The following EIF4ENIF1 variants were observed in gnomAD, a reference collection of about 807,000 sequenced individuals.
The protein encoded by EIF4ENIF1 is eukaryotic translation initiation factor 4E nuclear import factor 1.
EIF4ENIF1 carries 23 observed loss-of-function variants against 110.5 expected under a neutral mutation model. The observed-to-expected ratio is 0.21, with a 90% CI of 0.15 to 0.29. The LOEUF is 0.29. EIF4ENIF1 is among the 10% of genes least tolerant of loss of function. The probability of loss-of-function intolerance (pLI) is 1.00; values close to 1 mark genes in which losing one functional copy is unlikely to be tolerated. For synonymous variants in EIF4ENIF1, 440 were observed against 437.0 expected (o/e 1.01, Z -0.09); for missense variants, 1,031 against 1,221.1 (o/e 0.84, Z 2.32).
chr22:31,471,053 A>G (rs9621270), intron 3 of EIF4ENIF1, among the ~76,000 whole-genome samples: 6,068 of 151,774 alleles, frequency 0.04, 293 homozygotes, highest in African/African-American at 0.096. Context: ...TAAGGTGGCC[A>G]TAAGTAGTAC....
At chr22:31,475,837 G>A (rs1056270440) in intron 2 of EIF4ENIF1, among the ~76,000 whole-genome samples, 5 of 151,728 alleles carry the variant, frequency 3.3e-5, no homozygotes, top group African/African-American at 1.2e-4. Context: ...TCCATCCTGG[G>A]TGACAGAGAC....
At chr22:31,463,285 G>T in intron 5 of EIF4ENIF1, 152 bp from the exon 6 acceptor site, 1 of 712,862 alleles carries the variant, frequency 1.4e-6, no homozygotes, top group Non-Finnish European at 2.3e-6. Context: ...CTCCCTGACT[G>T]GTTTAAGAGC....
At chr22:31,463,575 G>T in intron 5 of EIF4ENIF1, 106 bp downstream of exon 5, 1 of 1,146,682 alleles carries the variant, frequency 8.7e-7, no homozygotes, top group Non-Finnish European at 1.2e-6. Flanking sequence ...CCAGATACTG[G>T]GCTGAGGCAG....
intron 10 of EIF4ENIF1, 32 bp from the exon 11 acceptor site, chr22:31,450,392 TTTC>T: frequency 2.5e-6 from 4 of 1,571,388 alleles, no homozygotes; most frequent in African/African-American, 1.3e-5. Flanking sequence ...TGGTTTTAAC[TTTC>T]TTAACTCACT....
chr22:31,458,904 T>C (rs1301639288), intron 6 of EIF4ENIF1, among the ~76,000 whole-genome samples: 1 of 151,302 alleles, frequency 6.6e-6, no homozygotes, highest in African/African-American at 2.4e-5. Flanking sequence ...GAACTTCATA[T>C]TTTCTATAGT....
rs1486823271 is a variant in EIF4ENIF1, at chr22:31,489,818, C to T, written c.-152G>A. ...GCGCCCCCACCCCGACCGGCTTGGG[C>T]TGTCTCTCTTCAGCCGCCGTAACTG... On this transcript the variant is annotated 5_prime_UTR_variant, in exon 1 of 19. Transcript: ENST00000330125. 2 of 152,040 alleles carry T rather than the reference C, an allele frequency of 1.3e-5. No individual in the cohort carries two copies. Among genetic ancestry groups the T allele is most frequent in the East Asian group, 3.9e-4 (2 of 5,118 alleles). The allele number at this position is 152,040 out of a possible 1,614,324, so 9.4% of individuals were successfully genotyped here.
At position 31,454,178 on chromosome 22, in the gene EIF4ENIF1, G is replaced by C; in HGVS notation, c.1478C>G (p.Ala493Gly). The change falls in exon 10 of 19, where the codon GCA (alanine) becomes GGA (glycine). Residue 493 changes from alanine to glycine, a missense_variant. Coordinates refer to ENST00000330125, the MANE Select transcript of EIF4ENIF1 (RefSeq NM_019843.4). ...AFNKLVSTMK[A>G]SGTLPSQPKV... is the part of the protein sequence containing the mutation. ...GGGCTGAGAAGGCAAAGTCCCACTT[G>C]CCTTCATTGTGCTCACTAGCTTGTT... The C allele has an allele frequency of 1.9e-6, 3 of 1,614,170 alleles. No homozygotes were observed. The highest frequency in any genetic ancestry group is 2.5e-6 in the Non-Finnish European group (3 of 1,180,010).
At chr22:31,461,603 T>G (rs1260396084) in intron 6 of EIF4ENIF1, 1 of 152,204 alleles carries the variant, frequency 6.6e-6, no homozygotes, top group African/African-American at 2.4e-5. Flanking sequence ...CAGCTAATTT[T>G]TGTATTTTCA....
downstream of EIF4ENIF1, chr22:31,437,097 C>G (rs1423341954): frequency 6.6e-6 from 1 of 152,232 alleles, no homozygotes; most frequent in Non-Finnish European, 1.5e-5. Flanking sequence ...CCTAGCTGCA[C>G]TCTCTGTTCA....
chr22:31,439,711 G>A lies in EIF4ENIF1; in HGVS notation c.*169C>T, dbSNP rs1200504169. On this transcript the variant is annotated 3_prime_UTR_variant, in exon 19 of 19. Coordinates refer to ENST00000330125, the MANE Select transcript of EIF4ENIF1 (RefSeq NM_019843.4). ...AGACAATGTACACTCCACTCGACTG[G>A]TTAAGATCCTTCCATCATAATGCGG... The A allele has an allele frequency of 1.1e-6, 1 of 911,502 alleles. No homozygotes were observed. Among genetic ancestry groups the A allele is most frequent in the South Asian group, 1.8e-5 (1 of 56,514 alleles). The allele number at this position is 911,502 out of a possible 1,614,324, so 56.5% of individuals were successfully genotyped here. A position where few individuals can be genotyped will look rare whatever the true frequency, so the allele number is the denominator to read the frequency against.
At position 31,469,771 on chromosome 22, in the gene EIF4ENIF1, C is replaced by T. The variant is rs1163149258; in HGVS notation, c.171-1469G>A. On this transcript the variant is annotated intron_variant, in intron 3 of 18. Transcript: ENST00000330125. ...GCAGTGGCATGATTATACCTCACTG[C>T]AGCCTGAAACTTCTGGACTCAGGTG... is the stretch of plus-strand genomic sequence containing the variant. Among the ~76,000 whole-genome samples the T allele has an allele frequency of 2.6e-5, 4 of 152,322 alleles. No individual in the cohort carries two copies. In the South Asian group the frequency reaches 6.2e-4, roughly 24 times the overall value.
chr22:31,478,778 C>G (rs6518747), intron 2 of EIF4ENIF1, among the ~76,000 whole-genome samples: 1 of 151,082 alleles, frequency 6.6e-6, no homozygotes, highest in Non-Finnish European at 1.5e-5. Context: ...GGTGAAACCC[C>G]GTCTCTATCA....
chr22:31,479,446 C>T (rs2051726691), intron 2 of EIF4ENIF1: 1 of 151,888 alleles, frequency 6.6e-6, no homozygotes, highest in South Asian at 2.1e-4. Flanking sequence ...CTAATCTTCT[C>T]TGTATTGTTG....
rs1372974577 is a variant in EIF4ENIF1 at position 31,439,811 on chromosome 22, C to G, written c.*69G>C. Reference sequence around the variant, plus strand: ...CAAAGTAAAAGCCCATAAACCAACCCGAGATGAAGCAGGGTCCTGCCCAGT... The same window carrying G: ...CAAAGTAAAAGCCCATAAACCAACCGGAGATGAAGCAGGGTCCTGCCCAGT... On this transcript the variant is annotated 3_prime_UTR_variant, in exon 19 of 19. Coordinates refer to ENST00000330125, the MANE Select transcript of EIF4ENIF1 (RefSeq NM_019843.4). 1 of 1,575,740 alleles carries G rather than the reference C, an allele frequency of 6.3e-7. No homozygotes were observed. Among genetic ancestry groups the G allele is most frequent in the Non-Finnish European group, 8.6e-7 (1 of 1,168,938 alleles).
intron 16 of EIF4ENIF1, 62 bp from the exon 17 acceptor site, chr22:31,442,180 C>T: frequency 1.6e-6 from 2 of 1,267,706 alleles, no homozygotes; most frequent in Non-Finnish European, 2.2e-6. Flanking sequence ...TGGCCTCCCA[C>T]TGGTCTAATA....
At position 31,449,395 on chromosome 22, in the gene EIF4ENIF1, C is replaced by G. The variant is rs766177443; in HGVS notation, c.1721G>C (p.Arg574Pro). 1.9e-6 allele frequency: 3 copies of G among 1,613,936 alleles called. No homozygotes were observed. In the African/African-American group the frequency reaches 4.0e-5, roughly 22 times the overall value. The change falls in exon 12 of 19, where the codon CGA becomes CCA. Residue 574 changes from arginine (R) to proline (P), a missense_variant. Physicochemically the swap from Arg to Pro is moderately radical, Grantham distance 103. This residue lies in a region of EIF4ENIF1 where 704 missense variants were observed against 879.7 expected (regional missense o/e 0.80). Transcript: ENST00000330125. ...SPPLSQVFQTRAASADYLRPR... is the reference protein window; with the variant it reads ...SPPLSQVFQTPAASADYLRPR... ...GCGAAGGTAGTCAGCTGAGGCTGCTCGAGTTTGAAACACCTGTGACAAGGG... is the reference window on the plus strand; with the variant it reads ...GCGAAGGTAGTCAGCTGAGGCTGCTGGAGTTTGAAACACCTGTGACAAGGG...
intron 4 of EIF4ENIF1, among the ~76,000 whole-genome samples, chr22:31,465,151 T>C (rs766548039): frequency 2.6e-5 from 4 of 151,682 alleles, no homozygotes; most frequent in Non-Finnish European, 5.9e-5. Flanking sequence ...TGGTGAAACC[T>C]CGTCTCTACT....
At chr22:31,437,451 C>CA (rs1230632481), downstream of EIF4ENIF1, 3 of 39,390 alleles carry the variant, frequency 7.6e-5, no homozygotes, top group African/African-American at 3.0e-4. Flanking sequence ...TTGCCTTCAT[C>CA]CCCCCCCCAC....
chr22:31,460,716 G>A (rs2050964319), intron 6 of EIF4ENIF1, among the ~76,000 whole-genome samples: 1 of 151,826 alleles, frequency 6.6e-6, no homozygotes, highest in Non-Finnish European at 1.5e-5. Flanking sequence ...GGAGGCTGAG[G>A]CGGGTGGATC....
Sources: gnomAD v4.1 joint callset for allele counts (sites outside exome capture counted in the v4.1 genomes callset) on GRCh38, gnomAD v4.1.1 for gene constraint, gnomAD v4.1.1 regional missense constraint, MANE v1.5 for transcripts, NCBI Gene and HGNC (gene_info 2026-07-23, HGNC 2026-07-21) for gene names.